MED13L: variants seen among roughly 807,000 people sequenced by gnomAD.
The protein encoded by MED13L is mediator of RNA polymerase II transcription subunit 13-like.
MED13L carries 7 observed loss-of-function variants against 220.9 expected under a neutral mutation model. That is an observed-to-expected ratio of 0.03 (90% CI 0.02 to 0.06). The LOEUF (loss-of-function observed/expected upper bound fraction) is 0.06, where lower values mean the gene tolerates loss of function less well. MED13L is among the 10% of genes least tolerant of loss of function. MED13L has a pLI of 1.00. For missense variants in MED13L, 1,965 were observed against 2,760.5 expected, an observed-to-expected ratio of 0.71 and a Z score of 6.46; for synonymous variants, 1,011 against 1,015.2, an observed-to-expected ratio of 1.00 and a Z score of 0.08.
rs1334706615 is a variant in MED13L at position 116,154,963 on chromosome 12, A to AC, written c.311-43452dup. 3.9e-5 allele frequency among the ~76,000 whole-genome samples: 6 copies of AC among 152,070 alleles called. No homozygotes were observed. The East Asian group carries it at 1.2e-3, about 30-fold the overall frequency. On this transcript the variant is annotated intron_variant, in intron 2 of 30. Coordinates refer to ENST00000281928, the MANE Select transcript of MED13L (RefSeq NM_015335.5). ...TACCTCAGCCTCCCAAGCAGCTGGGACTTCAGGCACACAACACTACACCTG... is the reference window on the plus strand; with the variant it reads ...TACCTCAGCCTCCCAAGCAGCTGGGACCTTCAGGCACACAACACTACACCTG...
At chr12:116,221,278 G>A (rs997479750) in intron 2 of MED13L, among the ~76,000 whole-genome samples, 4 of 151,780 alleles carry the variant, frequency 2.6e-5, no homozygotes, top group Non-Finnish European at 5.9e-5. Context: ...ACAAGGCTGA[G>A]GTGGGAAGAT....
chr12:116,030,276 AAC>A (rs1485268810), intron 4 of MED13L, among the ~76,000 whole-genome samples: 1 of 152,062 alleles, frequency 6.6e-6, no homozygotes, highest in Non-Finnish European at 1.5e-5. Context: ...GTTAGAAATC[AAC>A]AGTTTTTTTT....
At chr12:116,093,936 A>G (rs1370876573) in intron 4 of MED13L, among the ~76,000 whole-genome samples, 1 of 152,106 alleles carries the variant, frequency 6.6e-6, no homozygotes, top group African/African-American at 2.4e-5. Flanking sequence ...AAATTATCTA[A>G]TTTAATCTTC....
chr12:116,084,967 C>T (rs1871521740), intron 4 of MED13L, among the ~76,000 whole-genome samples: 1 of 151,808 alleles, frequency 6.6e-6, no homozygotes, highest in African/African-American at 2.4e-5. Flanking sequence ...TTTTAGCCAA[C>T]TGTTTTCAAT....
At position 116,222,645 on chromosome 12, in the gene MED13L, T is replaced by C. The variant is rs1406339838; in HGVS notation, c.310+14823A>G. On this transcript the variant is annotated intron_variant, in intron 2 of 30. Transcript: ENST00000281928. ...TGCCAAACCAAAACTTCAACTAATATAGGGAATTCAAGCAACTCCAGGTAT... is the reference window on the plus strand; with the variant it reads ...TGCCAAACCAAAACTTCAACTAATACAGGGAATTCAAGCAACTCCAGGTAT... Among the ~76,000 whole-genome samples the C allele has an allele frequency of 2.0e-5, 3 of 152,090 alleles. No individual in the cohort carries two copies. In the East Asian group the frequency reaches 5.8e-4, roughly 29 times the overall value.
chr12:116,123,851 G>A (rs1456322872), intron 2 of MED13L, among the ~76,000 whole-genome samples: 1 of 152,028 alleles, frequency 6.6e-6, no homozygotes, highest in Non-Finnish European at 1.5e-5. Flanking sequence ...GAGAGAACAT[G>A]GAAACACGAT....
intron 4 of MED13L, among the ~76,000 whole-genome samples, chr12:116,027,407 G>A (rs1315539208): frequency 6.6e-6 from 1 of 152,152 alleles, no homozygotes; most frequent in Non-Finnish European, 1.5e-5. Flanking sequence ...GGGTGACAGA[G>A]AGACTCTGTC....
In MED13L at chr12:116,007,645, C is replaced by G; in HGVS notation, c.2013-9G>C. The G allele has an allele frequency of 2.6e-6, 2 of 754,814 alleles. No individual in the cohort carries two copies. The highest frequency in any genetic ancestry group is 2.4e-5 in the South Asian group (1 of 41,346). 46.8% of individuals were successfully genotyped at this position (754,814 alleles called of 1,614,324 possible). A position where few individuals can be genotyped will look rare whatever the true frequency, so the allele number is the denominator to read the frequency against. On this transcript the variant is annotated splice_polypyrimidine_tract_variant and intron_variant, in intron 10 of 30. Transcript: ENST00000281928. Reference sequence around the variant, plus strand: ...TAGGTTGTGCTAAGAGTCTAAAAGACAAAAAAAAAAAAAAAAAAAAGAGCA... The same window carrying G: ...TAGGTTGTGCTAAGAGTCTAAAAGAGAAAAAAAAAAAAAAAAAAAAGAGCA...
intron 21 of MED13L, 52 bp from the exon 22 acceptor site, chr12:115,982,655 A>G (rs1243888845): frequency 3.4e-6 from 5 of 1,457,000 alleles, no homozygotes; most frequent in Non-Finnish European, 1.9e-6. Flanking sequence ...AATTACACGA[A>G]CATGAAAAAC....
intron 7 of MED13L, among the ~76,000 whole-genome samples, chr12:116,018,843 C>T (rs535923253): frequency 2.7e-5 from 4 of 150,408 alleles, no homozygotes; most frequent in Non-Finnish European, 4.4e-5. Flanking sequence ...CAATGGTCAC[C>T]GGGGCAGAGG....
At chr12:116,191,004 A>G (rs1207093260) in intron 2 of MED13L, among the ~76,000 whole-genome samples, 1 of 151,674 alleles carries the variant, frequency 6.6e-6, no homozygotes, top group African/African-American at 2.4e-5. Flanking sequence ...AGACAGAAGA[A>G]GTGCTTGAAC....
chr12:115,968,925 C>T lies in MED13L; in HGVS notation c.6225+15G>A. On this transcript the variant is annotated intron_variant, in intron 28 of 30. Coordinates refer to ENST00000281928, the MANE Select transcript of MED13L (RefSeq NM_015335.5). ...CTATGGTTGTCTTAAACAACGTACT[C>T]CAAATCATCCTTACCCGACTATGCT... 1 of 1,613,920 alleles carries T rather than the reference C, an allele frequency of 6.2e-7. No individual in the cohort carries two copies. Among genetic ancestry groups the T allele is most frequent in the Non-Finnish European group, 8.5e-7 (1 of 1,179,890 alleles).
intron 8 of MED13L, 61 bp from the exon 9 acceptor site, chr12:116,012,962 A>C: frequency 1.6e-6 from 2 of 1,225,144 alleles, no homozygotes; most frequent in Non-Finnish European, 2.4e-6. Flanking sequence ...TGGGGAGAAA[A>C]ATGTTCAAGA....
At chr12:116,169,265 T>C (rs1411253432) in intron 2 of MED13L, 1 of 152,688 alleles carries the variant, frequency 6.5e-6, no homozygotes, top group Non-Finnish European at 1.5e-5. Context: ...GGAATGAGGA[T>C]AAATAATGGC....
intron 14 of MED13L, among the ~76,000 whole-genome samples, chr12:115,998,450 T>C (rs187517777): frequency 6.6e-6 from 1 of 152,240 alleles, no homozygotes. Context: ...CGTGCTGTGC[T>C]CACGGCTACC....
At chr12:115,975,851 T>C in intron 23 of MED13L, 113 bp from the exon 24 acceptor site, 1 of 649,942 alleles carries the variant, frequency 1.5e-6, no homozygotes, top group Non-Finnish European at 2.5e-6. Context: ...GTAAATCGTT[T>C]CTCTCTCTCT....
intron 1 of MED13L, among the ~76,000 whole-genome samples, chr12:116,275,453 A>G (rs1873738998): frequency 6.6e-6 from 1 of 152,202 alleles, no homozygotes; most frequent in Non-Finnish European, 1.5e-5. Flanking sequence ...CAATGATACT[A>G]TGTCTTTGTA....
At chr12:116,251,784 C>T (rs1871591088) in intron 1 of MED13L, among the ~76,000 whole-genome samples, 1 of 150,128 alleles carries the variant, frequency 6.7e-6, no homozygotes, top group South Asian at 2.1e-4. Flanking sequence ...GAAGACCCAA[C>T]TACATGTTAC....
chr12:115,968,931 C>T lies in MED13L; in HGVS notation c.6225+9G>A. ...TTGTCTTAAACAACGTACTCCAAAT[C>T]ATCCTTACCCGACTATGCTGGAAGT... is the stretch of plus-strand genomic sequence containing the variant. On this transcript the variant is annotated intron_variant, in intron 28 of 30. Transcript: ENST00000281928. 6.2e-7 allele frequency: 1 copy of T among 1,614,000 alleles called. No individual in the cohort carries two copies. The highest frequency in any genetic ancestry group is 8.5e-7 in the Non-Finnish European group (1 of 1,179,920).
Sources: gnomAD v4.1 joint callset for allele counts (sites outside exome capture counted in the v4.1 genomes callset) on GRCh38, gnomAD v4.1.1 for gene constraint, MANE v1.5 for transcripts, NCBI Gene and HGNC (gene_info 2026-07-23, HGNC 2026-07-21) for gene names.